The following KLF12 variants were observed in gnomAD, a reference collection of about 807,000 sequenced individuals.
KLF12 encodes KLF transcription factor 12, also known as Krueppel-like factor 12.
KLF12 carries 9 observed loss-of-function variants against 37.8 expected under a neutral mutation model. The observed-to-expected ratio is 0.24, with a 90% confidence interval of 0.14 to 0.42. KLF12 has a LOEUF of 0.42. Among genes scored for constraint, KLF12 ranks in the 10% least tolerant of loss-of-function variants. KLF12 has a pLI of 1.00. For missense variants in KLF12, 411 were observed against 516.0 expected (o/e 0.80, Z 1.97); for synonymous variants, 208 against 202.1 (o/e 1.03, Z -0.25).
At chr13:73,789,569 C>T (rs987247909) in intron 5 of KLF12, among the ~76,000 whole-genome samples, 4 of 151,976 alleles carry the variant, frequency 2.6e-5, no homozygotes, top group Admixed American at 6.6e-5. Context: ...ATTCTTGCCA[C>T]GCAGGGACTA....
chr13:74,295,888 A>G, the KLF12 span, among the ~76,000 whole-genome samples: 1 of 152,078 alleles, frequency 6.6e-6, no homozygotes, highest in Non-Finnish European at 1.5e-5. Flanking sequence ...ATCTCAGTTC[A>G]CTGCAACCTC....
chr13:74,099,957 C>T (rs1194419096), intron 1 of KLF12, among the ~76,000 whole-genome samples: 1 of 152,162 alleles, frequency 6.6e-6, no homozygotes, highest in Non-Finnish European at 1.5e-5. Context: ...TGCCCAGCAG[C>T]ACCCAGAGCC....
chr13:74,071,493 T>C lies in KLF12; in HGVS notation c.-32+62246A>G, dbSNP rs531684866. ...CAAGGTCAGGAGATCGAGACCATCC[T>C]GGCTAACACAGTGAAACCCCGTCTC... On this transcript the variant is annotated intron_variant, in intron 1 of 7. Transcript: ENST00000377669. Among the ~76,000 whole-genome samples, 900 of 151,096 alleles carry C rather than the reference T, an allele frequency of 6.0e-3. 7 individuals are homozygous for C. Among genetic ancestry groups the C allele is most frequent in the East Asian group, 0.017 (85 of 5,108 alleles).
At chr13:74,257,944 A>G in the KLF12 span, 1 of 152,186 alleles carries the variant, frequency 6.6e-6, no homozygotes, top group Non-Finnish European at 1.5e-5. Flanking sequence ...ATTAAATAAC[A>G]AAGGTCACTT....
At chr13:74,147,702 T>C in the KLF12 span, among the ~76,000 whole-genome samples, 2 of 152,062 alleles carry the variant, frequency 1.3e-5, no homozygotes, top group Non-Finnish European at 2.9e-5. Flanking sequence ...TGCTTGCTTC[T>C]TTTTTCCCTA....
chr13:73,713,970 C>A (rs1457153170), intron 7 of KLF12, among the ~76,000 whole-genome samples: 1 of 152,176 alleles, frequency 6.6e-6, no homozygotes, highest in Non-Finnish European at 1.5e-5. Flanking sequence ...ATACTTCCTG[C>A]CATGATCTGT....
the KLF12 span, among the ~76,000 whole-genome samples, chr13:74,236,035 G>A: frequency 2.3e-4 from 34 of 148,442 alleles, no homozygotes; most frequent in Non-Finnish European, 4.5e-4. Flanking sequence ...ATGCTGGTGC[G>A]CTGCACCCAC....
intron 1 of KLF12, among the ~76,000 whole-genome samples, chr13:74,073,148 G>A (rs570290600): frequency 6.6e-6 from 1 of 152,330 alleles, no homozygotes; most frequent in Non-Finnish European, 1.5e-5. Context: ...GAGCCATGTA[G>A]AACTGTGAGT....
At chr13:74,077,554 G>C (rs1350164230) in intron 1 of KLF12, among the ~76,000 whole-genome samples, 1 of 152,130 alleles carries the variant, frequency 6.6e-6, no homozygotes, top group Admixed American at 6.6e-5. Flanking sequence ...GCAGGCCTAA[G>C]AGCAAGAAGT....
At chr13:73,880,744 C>G (rs1305145362) in intron 3 of KLF12, among the ~76,000 whole-genome samples, 1 of 152,156 alleles carries the variant, frequency 6.6e-6, no homozygotes, top group Non-Finnish European at 1.5e-5. Context: ...GACAATTTTT[C>G]TAAATCCCAG....
intron 6 of KLF12, among the ~76,000 whole-genome samples, chr13:73,750,981 G>A (rs929126589): frequency 4.6e-5 from 7 of 152,120 alleles, no homozygotes; most frequent in African/African-American, 1.7e-4. Flanking sequence ...TCTAAATCAT[G>A]GCACACTACC....
At chr13:74,053,325 AT>A (rs1176643741) in intron 1 of KLF12, among the ~76,000 whole-genome samples, 1 of 152,180 alleles carries the variant, frequency 6.6e-6, no homozygotes, top group African/African-American at 2.4e-5. Context: ...CTCACCTTTC[AT>A]TAAACTATAA....
rs1873496967 is a variant in KLF12 at position 73,686,245 on chromosome 13, G to C, written c.*9245C>G. ...AGCAATGCACCAACAGAATATGTCT[G>C]AGACACCATTAAAAACAATAACACT... On this transcript the variant is annotated 3_prime_UTR_variant, in exon 8 of 8. Coordinates refer to ENST00000377669, the MANE Select transcript of KLF12 (RefSeq NM_007249.5). The C allele has an allele frequency of 6.6e-6, 1 of 152,590 alleles. No individual in the cohort carries two copies. The highest frequency in any genetic ancestry group is 1.5e-5 in the Non-Finnish European group (1 of 68,018). The allele number at this position is 152,590 out of a possible 1,614,324, so 9.5% of individuals were successfully genotyped here. A position where few individuals can be genotyped will look rare whatever the true frequency, so the allele number is the denominator to read the frequency against.
chr13:73,714,437 C>T (rs1875643115), intron 7 of KLF12, among the ~76,000 whole-genome samples: 1 of 152,244 alleles, frequency 6.6e-6, no homozygotes. Context: ...ACATGTGAAG[C>T]TTCCAGTCAG....
chr13:73,773,191 C>G (rs761423519), intron 5 of KLF12, among the ~76,000 whole-genome samples: 19 of 152,146 alleles, frequency 1.2e-4, no homozygotes, highest in Non-Finnish European at 2.2e-4. Flanking sequence ...GAGCCCTGAG[C>G]TTCATGGAGG....
intron 5 of KLF12, among the ~76,000 whole-genome samples, chr13:73,792,303 T>C (rs990354622): frequency 6.6e-6 from 1 of 152,206 alleles, no homozygotes; most frequent in African/African-American, 2.4e-5. Context: ...TCTCTAGTTA[T>C]AATAAATGTA....
intron 3 of KLF12, among the ~76,000 whole-genome samples, chr13:73,897,650 C>G (rs899816984): frequency 6.6e-6 from 1 of 152,162 alleles, no homozygotes; most frequent in African/African-American, 2.4e-5. Flanking sequence ...CTCTTCACAC[C>G]TGTTACACAT....
At chr13:73,785,665 A>G (rs778747695) in intron 5 of KLF12, among the ~76,000 whole-genome samples, 2 of 151,956 alleles carry the variant, frequency 1.3e-5, no homozygotes, top group Non-Finnish European at 2.9e-5. Context: ...GAGCCATGTA[A>G]TCATTGTTGA....
At chr13:73,803,468 C>T (rs146046894) in intron 5 of KLF12, among the ~76,000 whole-genome samples, 2 of 152,074 alleles carry the variant, frequency 1.3e-5, no homozygotes, top group African/African-American at 4.8e-5. Context: ...AATAGTAAAC[C>T]CTGCCTACCA....
Sources: gnomAD v4.1 joint callset for allele counts (sites outside exome capture counted in the v4.1 genomes callset) on GRCh38, gnomAD v4.1.1 for gene constraint, MANE v1.5 for transcripts, NCBI Gene and HGNC (gene_info 2026-07-23, HGNC 2026-07-21) for gene names.